Variants in KLF8 observed in about 807,000 individuals in gnomAD.
KLF8 encodes the protein Krueppel-like factor 8.
Under a neutral mutation model 18.2 loss-of-function variants are expected in KLF8, and 10 were observed. The observed-to-expected ratio is 0.55, with a 90% CI of 0.34 to 0.93. KLF8 has a LOEUF of 0.93. Ranked by LOEUF, KLF8 falls within the 40% of genes least tolerant of loss-of-function variation. The pLI, the probability that KLF8 is intolerant of heterozygous loss-of-function variation, is 0.02. For missense variants in KLF8, 264 were observed against 277.9 expected (o/e 0.95, Z 0.36); for synonymous variants, 109 against 97.3 (o/e 1.12, Z -0.71).
At chrX:56,112,082 C>A in the KLF8 span, among the ~76,000 whole-genome samples, 1 of 111,716 alleles carries the variant, frequency 9.0e-6, no homozygotes, top group Non-Finnish European at 1.9e-5. Context: ...GGAACCAACC[C>A]AAATGCCCAT....
the KLF8 span, among the ~76,000 whole-genome samples, chrX:55,964,875 C>G: frequency 1.8e-5 from 2 of 111,570 alleles, no homozygotes; most frequent in Non-Finnish European, 3.8e-5. Context: ...ACACCCTGAA[C>G]AGACCAATAA....
chrX:55,910,487 G>T, the KLF8 span, among the ~76,000 whole-genome samples: 1 of 111,694 alleles, frequency 9.0e-6, no homozygotes, highest in East Asian at 2.8e-4. Flanking sequence ...AGGGAAAGGT[G>T]TTCTAGACAG....
At chrX:56,196,804 G>T in the KLF8 span, among the ~76,000 whole-genome samples, 1 of 111,692 alleles carries the variant, frequency 9.0e-6, no homozygotes, top group Non-Finnish European at 1.9e-5. Flanking sequence ...ATTCTTCTCA[G>T]CACCACATCT....
the KLF8 span, among the ~76,000 whole-genome samples, chrX:56,206,937 A>G: frequency 8.9e-6 from 1 of 112,506 alleles, no homozygotes; most frequent in Non-Finnish European, 1.9e-5. Flanking sequence ...GAGGTTCCCA[A>G]ATGTCAGTTC....
At chrX:56,131,941 C>A in the KLF8 span, among the ~76,000 whole-genome samples, 1 of 111,760 alleles carries the variant, frequency 8.9e-6, no homozygotes, top group Non-Finnish European at 1.9e-5. Flanking sequence ...GCAAATATCG[C>A]AATCCTAAAT....
chrX:55,970,481 G>C, the KLF8 span, among the ~76,000 whole-genome samples: 29 of 111,379 alleles, frequency 2.6e-4, no homozygotes, highest in African/African-American at 9.1e-4. Flanking sequence ...ATAATAAGTA[G>C]GGAAAAACCA....
chrX:56,262,843 G>A (rs760909688), intron 2 of KLF8, among the ~76,000 whole-genome samples: 123 of 110,422 alleles, frequency 1.1e-3, no homozygotes, highest in Non-Finnish European at 1.9e-3. Flanking sequence ...GGCTGGTCTC[G>A]AACTCCTGAC....
chrX:56,119,024 G>A, the KLF8 span, among the ~76,000 whole-genome samples: 13,053 of 109,658 alleles, frequency 0.12, 1,510 homozygotes, highest in African/African-American at 0.36. Flanking sequence ...ATGTAACTCT[G>A]TTTTGCAGGA....
At chrX:55,970,252 G>A in the KLF8 span, among the ~76,000 whole-genome samples, 1 of 110,423 alleles carries the variant, frequency 9.1e-6, no homozygotes, top group Non-Finnish European at 1.9e-5. Context: ...TATTCCAAGG[G>A]GTCAAGACTG....
At chrX:56,180,465 A>C in the KLF8 span, among the ~76,000 whole-genome samples, 1 of 109,463 alleles carries the variant, frequency 9.1e-6, no homozygotes, top group East Asian at 2.9e-4. Flanking sequence ...TATCTCCTTC[A>C]GTTCTGCCCT....
the KLF8 span, among the ~76,000 whole-genome samples, chrX:56,128,718 C>G: frequency 9.0e-6 from 1 of 111,720 alleles, no homozygotes; most frequent in Non-Finnish European, 1.9e-5. Context: ...GGGATCAAAA[C>G]TGAGTCAGTT....
intron 1 of KLF8, among the ~76,000 whole-genome samples, chrX:56,239,675 T>G (rs2066519460): frequency 8.9e-6 from 1 of 112,273 alleles, no homozygotes; most frequent in Non-Finnish European, 1.9e-5. Flanking sequence ...CATGATGTCC[T>G]GTAAATGACA....
chrX:56,042,656 C>A, the KLF8 span, among the ~76,000 whole-genome samples: 1 of 112,001 alleles, frequency 8.9e-6, no homozygotes, highest in East Asian at 2.8e-4. Context: ...ACTAGAATTG[C>A]AACCGCTGTT....
chrX:56,125,803 A>G, the KLF8 span, among the ~76,000 whole-genome samples: 1 of 111,998 alleles, frequency 8.9e-6, no homozygotes, highest in East Asian at 2.8e-4. Context: ...TTACCAGTGC[A>G]GTGTTATTAC....
the KLF8 span, among the ~76,000 whole-genome samples, chrX:56,058,269 CATATATATACATATATATATATATAT>C: frequency 1.1e-3 from 17 of 15,965 alleles, 1 homozygote; most frequent in African/African-American, 3.6e-3. Flanking sequence ...CATATATATA[CATATATATACATATATATATATATAT>C]ATATATATAT....
chrX:56,126,555 A>G, the KLF8 span, among the ~76,000 whole-genome samples: 1 of 110,339 alleles, frequency 9.1e-6, no homozygotes, highest in Non-Finnish European at 1.9e-5. Flanking sequence ...CCAAAGTGCT[A>G]TACCTGACAT....
At chrX:56,047,437 C>T in the KLF8 span, among the ~76,000 whole-genome samples, 2 of 100,063 alleles carry the variant, frequency 2.0e-5, no homozygotes, top group Non-Finnish European at 4.0e-5. Flanking sequence ...CACAAAAGTC[C>T]CCGGTGTGTG....
At chrX:56,032,835 G>A in the KLF8 span, among the ~76,000 whole-genome samples, 1 of 111,354 alleles carries the variant, frequency 9.0e-6, no homozygotes, top group South Asian at 3.8e-4. Context: ...TTGTATTTTG[G>A]GATGGGTAAA....
chrX:56,177,835 C>G, the KLF8 span, among the ~76,000 whole-genome samples: 1 of 111,933 alleles, frequency 8.9e-6, no homozygotes, highest in Non-Finnish European at 1.9e-5. Flanking sequence ...TGCCACCTTG[C>G]AGTTTGATCT....
Sources: gnomAD v4.1 joint callset for allele counts (sites outside exome capture counted in the v4.1 genomes callset) on GRCh38, gnomAD v4.1.1 for gene constraint, MANE v1.5 for transcripts, NCBI Gene and HGNC (gene_info 2026-07-23, HGNC 2026-07-21) for gene names.